Variants in MAF observed in about 807,000 individuals in gnomAD.
MAF encodes transcription factor Maf.
Under a neutral mutation model 22.0 loss-of-function variants are expected in MAF, and 10 were observed. The ratio of observed to expected loss-of-function variants is 0.45; its 90% confidence interval spans 0.28 to 0.77. The LOEUF (loss-of-function observed/expected upper bound fraction) is 0.77. Ranked by LOEUF, MAF falls within the 30% of genes least tolerant of loss-of-function variation. MAF has a pLI of 0.12. For synonymous variants in MAF, 337 were observed against 255.8 expected (o/e 1.32, Z -3.03); for missense variants, 544 against 548.4 (o/e 0.99, Z 0.08).
the MAF span, among the ~76,000 whole-genome samples, chr16:79,565,970 T>G: frequency 6.6e-6 from 1 of 152,180 alleles, no homozygotes; most frequent in Non-Finnish European, 1.5e-5. Flanking sequence ...ACATCAAGTC[T>G]GGCAGACTCT....
the MAF span, among the ~76,000 whole-genome samples, chr16:79,235,396 T>TA: frequency 5.3e-3 from 801 of 151,082 alleles, 13 homozygotes; most frequent in African/African-American, 0.019. Context: ...CTAGAAAAAA[T>TA]AAAAAATAAA....
chr16:79,405,263 T>G, the MAF span, among the ~76,000 whole-genome samples: 1 of 152,150 alleles, frequency 6.6e-6, no homozygotes, highest in South Asian at 2.1e-4. Context: ...TATGTTCTCA[T>G]GAAGTCTGAG....
At chr16:79,523,663 AG>A in the MAF span, among the ~76,000 whole-genome samples, 16 of 152,208 alleles carry the variant, frequency 1.1e-4, no homozygotes, top group Non-Finnish European at 2.1e-4. Context: ...GTGGTCACAA[AG>A]GTGCTCAGTA....
the MAF span, among the ~76,000 whole-genome samples, chr16:79,311,083 C>G: frequency 6.6e-6 from 1 of 151,812 alleles, no homozygotes; most frequent in Non-Finnish European, 1.5e-5. Context: ...ACTGGCCTCC[C>G]CTCTGTGGTG....
chr16:79,557,300 G>A, the MAF span, among the ~76,000 whole-genome samples: 1 of 151,986 alleles, frequency 6.6e-6, no homozygotes, highest in South Asian at 2.1e-4. Flanking sequence ...TTAGACAATG[G>A]TCAAGATCAG....
chr16:79,431,838 G>C, the MAF span, among the ~76,000 whole-genome samples: 1 of 152,206 alleles, frequency 6.6e-6, no homozygotes, highest in African/African-American at 2.4e-5. Flanking sequence ...CACATGGCAA[G>C]TGAATGCTCA....
At chr16:79,225,785 T>G in the MAF span, among the ~76,000 whole-genome samples, 1 of 152,182 alleles carries the variant, frequency 6.6e-6, no homozygotes, top group Non-Finnish European at 1.5e-5. Context: ...AAAATGCTCA[T>G]CATCACTGGT....
intron 1 of MAF, chr16:79,596,159 G>T (rs191036713): frequency 9.4e-7 from 1 of 1,063,042 alleles, no homozygotes; most frequent in Admixed American, 5.4e-5. Context: ...CTGATCAGAA[G>T]TGTAGGGCCA....
chr16:79,263,862 C>T, the MAF span, among the ~76,000 whole-genome samples: 6 of 152,108 alleles, frequency 3.9e-5, no homozygotes, highest in East Asian at 9.7e-4. Context: ...CACTTTGTTG[C>T]CACTTGCTCC....
At chr16:79,573,357 A>G in the MAF span, among the ~76,000 whole-genome samples, 1 of 152,236 alleles carries the variant, frequency 6.6e-6, no homozygotes, top group Non-Finnish European at 1.5e-5. Context: ...ATCCCAGATT[A>G]AAAATCTAGG....
At chr16:79,506,336 A>G in the MAF span, among the ~76,000 whole-genome samples, 7 of 152,148 alleles carry the variant, frequency 4.6e-5, no homozygotes, top group Non-Finnish European at 8.8e-5. Context: ...TCCTTTGCCC[A>G]TGATTTTTTT....
At chr16:79,408,445 G>A in the MAF span, among the ~76,000 whole-genome samples, 1 of 152,046 alleles carries the variant, frequency 6.6e-6, no homozygotes, top group Non-Finnish European at 1.5e-5. Flanking sequence ...CAAAGCGCTG[G>A]GATTACAGGT....
chr16:79,343,126 G>C, the MAF span, among the ~76,000 whole-genome samples: 1 of 152,284 alleles, frequency 6.6e-6, no homozygotes, highest in Middle Eastern at 3.4e-3. Flanking sequence ...CAGGAGCAAA[G>C]AGGCATTCAC....
chr16:79,530,535 T>A, the MAF span, among the ~76,000 whole-genome samples: 5 of 152,328 alleles, frequency 3.3e-5, no homozygotes. Flanking sequence ...TTAAGGACAT[T>A]ATTCATTTTA....
chr16:79,306,493 G>A, the MAF span, among the ~76,000 whole-genome samples: 1 of 152,216 alleles, frequency 6.6e-6, no homozygotes, highest in Non-Finnish European at 1.5e-5. Flanking sequence ...TGGTAGAGAG[G>A]AAGAGAGGTT....
chr16:79,358,923 G>A, the MAF span, among the ~76,000 whole-genome samples: 1 of 152,156 alleles, frequency 6.6e-6, no homozygotes, highest in African/African-American at 2.4e-5. Context: ...GCTGTGATGA[G>A]GCCCTTCGGT....
At chr16:79,507,290 A>G in the MAF span, among the ~76,000 whole-genome samples, 1 of 145,710 alleles carries the variant, frequency 6.9e-6, no homozygotes, top group African/African-American at 2.6e-5. Context: ...ATTTTTTTGT[A>G]CTTTTTTAGT....
chr16:79,222,859 A>T, the MAF span, among the ~76,000 whole-genome samples: 1 of 152,192 alleles, frequency 6.6e-6, no homozygotes, highest in Non-Finnish European at 1.5e-5. Context: ...GAGCACCCAA[A>T]CTCATAAAGC....
At chr16:79,236,956 A>AC in the MAF span, among the ~76,000 whole-genome samples, 2 of 151,518 alleles carry the variant, frequency 1.3e-5, no homozygotes, top group Non-Finnish European at 2.9e-5. Flanking sequence ...AAAAAAAAAA[A>AC]AAACTCAAAT....
Sources: allele counts gnomAD v4.1 joint callset (sites outside exome capture counted in the v4.1 genomes callset), GRCh38; gene constraint gnomAD v4.1.1; transcripts MANE v1.5; gene names NCBI Gene and HGNC (gene_info 2026-07-23, HGNC 2026-07-21).